Variants in NPAS3 observed in about 807,000 individuals in gnomAD.
The protein encoded by NPAS3 is neuronal PAS domain protein 3.
In NPAS3, 14 loss-of-function variants were observed where a neutral mutation model predicts 73.1. The ratio of observed to expected loss-of-function variants is 0.19; its 90% CI spans 0.13 to 0.30. The LOEUF (loss-of-function observed/expected upper bound fraction) is 0.30. Ranked by LOEUF, NPAS3 falls within the 10% of genes least tolerant of loss-of-function variation. NPAS3 has a pLI of 1.00. For missense variants in NPAS3, 1,096 were observed against 1,250.0 expected (o/e 0.88, Z 1.86); for synonymous variants, 620 against 541.5 (o/e 1.14, Z -2.01).
chr14:33,526,578 AG>A (rs1316633252), intron 4 of NPAS3, among the ~76,000 whole-genome samples: 1 of 151,750 alleles, frequency 6.6e-6, no homozygotes. Context: ...ATCAGTGAAT[AG>A]GGTCCTCCTG....
chr14:33,511,476 C>T (rs998133032), intron 4 of NPAS3, among the ~76,000 whole-genome samples: 8 of 151,932 alleles, frequency 5.3e-5, no homozygotes, highest in South Asian at 2.1e-4. Flanking sequence ...TAAACAAGAT[C>T]GAAGGATATA....
At chr14:33,288,761 T>C (rs957666537) in intron 3 of NPAS3, among the ~76,000 whole-genome samples, 3 of 152,148 alleles carry the variant, frequency 2.0e-5, no homozygotes, top group Non-Finnish European at 4.4e-5. Context: ...TTATTACATT[T>C]ACTTTTCTGC....
At chr14:33,024,240 C>T (rs184688005) in intron 1 of NPAS3, among the ~76,000 whole-genome samples, 175 of 151,660 alleles carry the variant, frequency 1.2e-3, no homozygotes, top group African/African-American at 3.9e-3. Context: ...GGCATGATCT[C>T]GGCTCACTGA....
intron 3 of NPAS3, among the ~76,000 whole-genome samples, chr14:33,295,523 T>C (rs1158233658): frequency 6.6e-6 from 1 of 152,216 alleles, no homozygotes; most frequent in East Asian, 1.9e-4. Flanking sequence ...ACCAGCCAAG[T>C]AGTTATACAC....
At chr14:33,651,040 CCAGA>C (rs770431941) in intron 5 of NPAS3, among the ~76,000 whole-genome samples, 45 of 152,202 alleles carry the variant, frequency 3.0e-4, no homozygotes, top group Non-Finnish European at 1.3e-4. Context: ...AAGAAAGGAG[CCAGA>C]CAAAGACTGC....
intron 4 of NPAS3, among the ~76,000 whole-genome samples, chr14:33,478,856 C>T (rs927397890): frequency 6.6e-6 from 1 of 152,080 alleles, no homozygotes; most frequent in African/African-American, 2.4e-5. Context: ...AGCCTTTTAC[C>T]CTGAGCCTTA....
At chr14:32,939,410 CCCGCCGCCGCCG>C in intron 1 of NPAS3, 44 bp downstream of exon 1, 1 of 592,268 alleles carries the variant, frequency 1.7e-6, no homozygotes. Flanking sequence ...GGCCGCTGCT[CCCGCCGCCGCCG>C]CCTCCGCCGC....
At chr14:33,064,904 G>A (rs1226517902) in intron 2 of NPAS3, among the ~76,000 whole-genome samples, 3 of 152,142 alleles carry the variant, frequency 2.0e-5, no homozygotes, top group African/African-American at 7.2e-5. Flanking sequence ...GCTGGGAAAT[G>A]TCTGGGACGA....
intron 3 of NPAS3, among the ~76,000 whole-genome samples, chr14:33,236,944 A>C (rs2048054694): frequency 6.6e-6 from 1 of 152,142 alleles, no homozygotes; most frequent in South Asian, 2.1e-4. Flanking sequence ...TTTTACAGTT[A>C]CAATTTTACA....
chr14:33,229,703 T>C (rs2047773811), intron 3 of NPAS3, among the ~76,000 whole-genome samples: 1 of 152,188 alleles, frequency 6.6e-6, no homozygotes, highest in South Asian at 2.1e-4. Context: ...GCAAGCAATA[T>C]TTCTACTGCT....
rs12879879 is a variant in NPAS3 at position 33,800,158 on chromosome 14, G to C, written c.1851G>C (p.Leu617=). 1 of 1,603,082 alleles carries C rather than the reference G, an allele frequency of 6.2e-7. No individual in the cohort carries two copies. Residue 617 remains leucine (L), a synonymous_variant, in exon 12 of 12, where the codon CTG becomes CTC. Coordinates refer to ENST00000356141, the Ensembl canonical transcript of NPAS3. This position sits in a 1 kb window ranked among gnomAD's most constrained non-coding sequence, Gnocchi z 6.5. ...GCGGCAGCGCCAGCCGCCGGCGCCT[G>C]TCCAGCGCGTCGAGCCCAGGCGGCC... is the stretch of plus-strand genomic sequence containing the variant.
At chr14:33,716,363 T>C (rs146363191) in intron 6 of NPAS3, among the ~76,000 whole-genome samples, 1 of 152,344 alleles carries the variant, frequency 6.6e-6, no homozygotes, top group African/African-American at 2.4e-5. Flanking sequence ...TTCTTGTTTT[T>C]CCTTCTCTAT....
At chr14:33,468,681 C>T (rs899024626) in intron 4 of NPAS3, among the ~76,000 whole-genome samples, 3 of 152,154 alleles carry the variant, frequency 2.0e-5, no homozygotes, top group African/African-American at 7.2e-5. Context: ...GTTAAAAGTA[C>T]AAGGTCTTGC....
intron 2 of NPAS3, among the ~76,000 whole-genome samples, chr14:33,087,200 T>TATATAGTATAC (rs2042063128): frequency 3.9e-5 from 4 of 102,572 alleles, no homozygotes; most frequent in African/African-American, 8.8e-5. Flanking sequence ...TATTGTATAA[T>TATATAGTATAC]AATATAGTAT....
At chr14:33,020,917 C>T (rs746463803) in intron 1 of NPAS3, among the ~76,000 whole-genome samples, 14 of 152,188 alleles carry the variant, frequency 9.2e-5, no homozygotes, top group East Asian at 1.9e-4. Context: ...CGTGCCACCA[C>T]GCCCAGGTAA....
At chr14:33,730,426 A>G (rs1293458347) in intron 6 of NPAS3, among the ~76,000 whole-genome samples, 4 of 152,150 alleles carry the variant, frequency 2.6e-5, no homozygotes, top group African/African-American at 4.8e-5. Context: ...ACAGTCCCCA[A>G]ATTACAGCAA....
chr14:33,777,014 T>C (rs756613099), intron 8 of NPAS3, among the ~76,000 whole-genome samples: 7 of 152,206 alleles, frequency 4.6e-5, no homozygotes, highest in Non-Finnish European at 7.3e-5. Flanking sequence ...CTGGGGTTTA[T>C]TATTTAATTA....
At chr14:32,938,490 A>AGAGAGAGAGAAATT (rs1293243145), upstream of NPAS3, among the ~76,000 whole-genome samples, 525 of 92,460 alleles carry the variant, frequency 5.7e-3, 1 homozygote, top group Non-Finnish European at 0.01. Context: ...AGAAATTGAG[A>AGAGAGAGAGAAATT]GAGAGAGAGA....
intron 5 of NPAS3, among the ~76,000 whole-genome samples, chr14:33,623,660 A>T (rs2058143103): frequency 6.6e-6 from 1 of 152,138 alleles, no homozygotes; most frequent in African/African-American, 2.4e-5. Flanking sequence ...TTAGAGAAAA[A>T]GCCAAAATTG....
Sources: gnomAD v4.1 joint callset for allele counts (sites outside exome capture counted in the v4.1 genomes callset) on GRCh38, gnomAD v4.1.1 for gene constraint, Gnocchi (gnomAD v3.1) non-coding constraint, MANE v1.5 for transcripts, NCBI Gene and HGNC (gene_info 2026-07-23, HGNC 2026-07-21) for gene names.